The following GNS variants were observed in gnomAD, a reference collection of about 807,000 sequenced individuals.
The protein encoded by GNS is glucosamine (N-acetyl)-6-sulfatase, also known as N-acetylglucosamine-6-sulfatase.
GNS carries 40 observed loss-of-function variants against 69.7 expected under a neutral mutation model. The ratio of observed to expected loss-of-function variants is 0.57; its 90% CI spans 0.45 to 0.75. The LOEUF is 0.75. Ranked by LOEUF, GNS falls within the 30% of genes least tolerant of loss-of-function variation. GNS has a pLI of 0.00. For missense variants in GNS, 565 were observed against 685.5 expected (o/e 0.82, Z 1.96); for synonymous variants, 243 against 251.6 (o/e 0.97, Z 0.32).
At position 64,715,336 on chromosome 12, in the gene GNS, G is replaced by C. The variant is rs1216363707; in HGVS notation, c.*1405C>G. 1.3e-5 allele frequency: 2 copies of C among 152,204 alleles called. No homozygotes were observed. The highest frequency in any genetic ancestry group is 2.9e-5 in the Non-Finnish European group (2 of 68,072). 9.4% of individuals were successfully genotyped at this position (152,204 alleles called of 1,614,324 possible). ...GTTCAAGACCAGCCTGGCCAACATG[G>C]TGAAACTCTGTCTCTACTAAAAATA... On this transcript the variant is annotated 3_prime_UTR_variant, in exon 14 of 14. Transcript: ENST00000258145.
Position 64,716,038 on chromosome 12 carries a change from C to A in GNS, c.*703G>T, listed in dbSNP as rs1208133011. 6.5e-6 allele frequency: 1 copy of A among 154,308 alleles called. No individual in the cohort carries two copies. Among genetic ancestry groups the A allele is most frequent in the Admixed American group, 6.3e-5 (1 of 15,800 alleles). 9.6% of individuals were successfully genotyped at this position (154,308 alleles called of 1,614,324 possible). A position where few individuals can be genotyped will look rare whatever the true frequency, so the allele number is the denominator to read the frequency against. On this transcript the variant is annotated 3_prime_UTR_variant, in exon 14 of 14. Coordinates refer to ENST00000258145, the MANE Select transcript of GNS (RefSeq NM_002076.4). ...GCCACTGGAAAGTAGATGGCTATCA[C>A]CTTCAAGAGCTACCTGGAATTGGCC... is the stretch of plus-strand genomic sequence containing the variant.
At chr12:64,722,276 C>T (rs186124150) in intron 11 of GNS, among the ~76,000 whole-genome samples, 27 of 152,178 alleles carry the variant, frequency 1.8e-4, no homozygotes, top group African/African-American at 6.0e-4. Context: ...CCTTGGCCTC[C>T]CAAAGTGCTA....
In GNS at chr12:64,740,627, A is replaced by G; in HGVS notation, c.854T>C (p.Leu285Ser). ...TPMTNSSIQF[L>S]DNAFRKRWQT... ...TTACCTTTTCCTAAATGCATTATCT[A>G]AAAACTGTATTGAAGAATTAGTCAT... The change falls in exon 7 of 14, where the codon TTA becomes TCA. Residue 285 changes from leucine (L) to serine (S), a missense_variant. This residue lies in a region of GNS where 384 missense variants were observed against 511.0 expected (regional missense o/e 0.75). Transcript: ENST00000258145. 1 of 1,572,874 alleles carries G rather than the reference A, an allele frequency of 6.4e-7. No homozygotes were observed. Among genetic ancestry groups the G allele is most frequent in the Non-Finnish European group, 8.8e-7 (1 of 1,142,548 alleles).
rs1240458906 is a variant in GNS at position 64,714,991 on chromosome 12, A to G, written c.*1750T>C. The G allele has an allele frequency of 2.0e-5, 3 of 152,682 alleles. No homozygotes were observed. The highest frequency in any genetic ancestry group is 2.9e-5 in the Non-Finnish European group (2 of 68,048). The allele number at this position is 152,682 out of a possible 1,614,324, so 9.5% of individuals were successfully genotyped here. A position where few individuals can be genotyped will look rare whatever the true frequency, so the allele number is the denominator to read the frequency against. ...AAAGGAATATATCCAATTGACTGTT[A>G]GCCCAACATGACTATCTGCAATTCT... On this transcript the variant is annotated 3_prime_UTR_variant, in exon 14 of 14. Coordinates refer to ENST00000258145, the MANE Select transcript of GNS (RefSeq NM_002076.4).
chr12:64,735,271 A>G (rs950094793), intron 9 of GNS, among the ~76,000 whole-genome samples: 7 of 152,236 alleles, frequency 4.6e-5, no homozygotes, highest in African/African-American at 1.7e-4. Context: ...AGACTGCCCC[A>G]GTTCAAATGC....
chr12:64,717,718 T>C (rs1255289877), intron 13 of GNS, among the ~76,000 whole-genome samples: 1 of 152,144 alleles, frequency 6.6e-6, no homozygotes, highest in Non-Finnish European at 1.5e-5. Flanking sequence ...ATTCTAGTTT[T>C]GCTGCCACAC....
chr12:64,720,180 C>T lies in GNS; in HGVS notation c.1422G>A (p.Val474=). 1 of 1,588,512 alleles carries T rather than the reference C, an allele frequency of 6.3e-7. No individual in the cohort carries two copies. ...CAGTCAGATTATAGACTTCTACAAA[C>T]ACCTAGAGGACATGAAAGAATGGAG... ...LQYCEFDDQE[V]FVEVYNLTAD... The change falls in exon 13 of 14, where the codon GTG becomes GTA. Residue 474 remains valine (V), a splice_region_variant and synonymous_variant. Coordinates refer to ENST00000258145, the MANE Select transcript of GNS (RefSeq NM_002076.4).
intron 11 of GNS, 90 bp downstream of exon 11, chr12:64,722,915 TG>T (rs1289862624): frequency 1.2e-6 from 1 of 809,418 alleles, no homozygotes; most frequent in East Asian, 2.4e-5. Flanking sequence ...AGGACTCAGA[TG>T]AAAGGTTTCA....
intron 1 of GNS, among the ~76,000 whole-genome samples, chr12:64,754,875 G>A (rs1441944022): frequency 1.3e-5 from 2 of 148,682 alleles, no homozygotes; most frequent in Admixed American, 6.7e-5. Flanking sequence ...GGCAAGAAGA[G>A]TGAGAACTTG....
intron 9 of GNS, among the ~76,000 whole-genome samples, chr12:64,733,297 CAAAAAAAAAAAAAAA>C (rs961321163): frequency 3.8e-5 from 1 of 26,640 alleles, no homozygotes; most frequent in Non-Finnish European, 7.7e-5. Flanking sequence ...GACCCTGTCT[CAAAAAAAAAAAAAAA>C]AAAAAAAAAA....
In GNS at chr12:64,716,761, ATCT is replaced by A; in HGVS notation, c.1636_1638del (p.Arg546del). The A allele has an allele frequency of 6.2e-7, 1 of 1,612,660 alleles. No homozygotes were observed. The highest frequency in any genetic ancestry group is 8.5e-7 in the Non-Finnish European group (1 of 1,178,698). On this transcript the variant is annotated inframe_deletion, in exon 14 of 14. Transcript: ENST00000258145. Reference sequence around the variant, plus strand: ...GGTCGCTACAGAAGATGTTTGGAAAATCTTCGAGTCCTGACACTGCCGCGATTG... The same window carrying A: ...GGTCGCTACAGAAGATGTTTGGAAAATCGAGTCCTGACACTGCCGCGATTG...
chr12:64,753,922 A>T (rs547876308), intron 1 of GNS, among the ~76,000 whole-genome samples: 43 of 152,322 alleles, frequency 2.8e-4, no homozygotes, highest in African/African-American at 1.0e-3. Context: ...CCTCAGGAAA[A>T]GAATACTGGG....
intron 10 of GNS, among the ~76,000 whole-genome samples, chr12:64,726,847 C>A (rs1033356183): frequency 2.0e-5 from 3 of 151,298 alleles, no homozygotes; most frequent in Admixed American, 6.6e-5. Flanking sequence ...GACTATGATA[C>A]GCAAAAATGC....
At chr12:64,728,932 C>A (rs1414854764) in intron 10 of GNS, 24 bp downstream of exon 10, 1 of 1,045,852 alleles carries the variant, frequency 9.6e-7, no homozygotes, top group Non-Finnish European at 1.5e-6. Context: ...TTGGCTCAGG[C>A]CTGATTGAGG....
chr12:64,723,202 G>A, intron 10 of GNS, 89 bp from the exon 11 acceptor site: 1 of 815,758 alleles, frequency 1.2e-6, no homozygotes, highest in South Asian at 1.4e-5. Flanking sequence ...GGACCTGGGA[G>A]TCAAAAGTAA....
chr12:64,743,362 A>G, intron 5 of GNS, 54 bp from the exon 6 acceptor site: 2 of 1,258,648 alleles, frequency 1.6e-6, no homozygotes, highest in Non-Finnish European at 2.3e-6. Flanking sequence ...ATGAGTATTT[A>G]ATAGATAAAT....
intron 1 of GNS, among the ~76,000 whole-genome samples, chr12:64,758,162 C>T (rs76114362): frequency 0.03 from 4,631 of 152,142 alleles, 106 homozygotes; most frequent in Non-Finnish European, 0.042. Context: ...TGTGACAACA[C>T]CCATTAGATA....
intron 9 of GNS, among the ~76,000 whole-genome samples, chr12:64,732,171 T>G (rs1565883239): frequency 3.2e-5 from 3 of 94,558 alleles, no homozygotes; most frequent in African/African-American, 1.2e-4. Flanking sequence ...TTTTTGTTGT[T>G]TTTTTTTTTT....
chr12:64,732,160 TTTTTTGTTG>T lies in GNS; in HGVS notation c.1099-3112_1099-3104del, dbSNP rs1371940847. 4.0e-3 allele frequency among the ~76,000 whole-genome samples: 377 copies of T among 94,906 alleles called. 50 individuals are homozygous for T. Among genetic ancestry groups the T allele is most frequent in the African/African-American group, 0.017 (337 of 20,012 alleles). The allele number at this position is 94,906 out of a possible 152,430, so 62.3% of individuals were successfully genotyped here. Reference sequence around the variant, plus strand: ...TGCCACCACACCTGGCTAATTTTTTTTTTTTGTTGTTTTTTTTTTTTTTTTGAGACGGAG... The same window carrying T: ...TGCCACCACACCTGGCTAATTTTTTTTTTTTTTTTTTTTTTTGAGACGGAG... On this transcript the variant is annotated intron_variant, in intron 9 of 13. Coordinates refer to ENST00000258145, the MANE Select transcript of GNS (RefSeq NM_002076.4).
Sources: allele counts gnomAD v4.1 joint callset (sites outside exome capture counted in the v4.1 genomes callset), GRCh38; gene constraint gnomAD v4.1.1; regional missense constraint gnomAD v4.1.1; transcripts MANE v1.5; gene names NCBI Gene and HGNC (gene_info 2026-07-23, HGNC 2026-07-21).